ADGRF1: variants seen among roughly 807,000 people sequenced by gnomAD.
ADGRF1 encodes the protein adhesion G protein-coupled receptor F1, also known as G protein-coupled receptor 110.
Under a neutral mutation model 87.2 loss-of-function variants are expected in ADGRF1, and 85 were observed. That is an observed-to-expected ratio of 0.97 (90% confidence interval 0.82 to 1.17). The LOEUF is 1.17. Among genes scored for constraint, ADGRF1 ranks in the 50% most tolerant of loss-of-function variants. ADGRF1 has a pLI of 0.00. For missense variants in ADGRF1, 1,169 were observed against 1,077.2 expected, an observed-to-expected ratio of 1.09 and a Z score of -1.19; for synonymous variants, 430 against 408.8, an observed-to-expected ratio of 1.05 and a Z score of -0.63.
In ADGRF1 at chr6:47,012,105, T is replaced by G. The variant is rs1456847076; in HGVS notation, c.1018A>C (p.Thr340Pro). ...ACCGAAGCCAGATTCCCCACTGTGG[T>G]TGATGGGTTTTGCCGAATGATGACA... The part of the protein sequence containing the change: ...LSVIIRQNPS[T>P]TVGNLASVVS... The change falls in exon 10 of 15, where the codon ACC (threonine) becomes CCC (proline). Residue 340 changes from threonine to proline, a missense_variant. Physicochemically the swap from Thr to Pro is conservative, Grantham distance 38. Coordinates refer to ENST00000371253, the MANE Select transcript of ADGRF1 (RefSeq NM_153840.4). 1 of 1,614,052 alleles carries G rather than the reference T, an allele frequency of 6.2e-7. No individual in the cohort carries two copies. Among genetic ancestry groups the G allele is most frequent in the Non-Finnish European group, 8.5e-7 (1 of 1,179,960 alleles).
In ADGRF1 at chr6:47,009,304, G is replaced by A; in HGVS notation, c.2131C>T (p.Leu711Phe). 1.2e-6 allele frequency: 2 copies of A among 1,614,146 alleles called. No individual in the cohort carries two copies. Among genetic ancestry groups the A allele is most frequent in the South Asian group, 1.1e-5 (1 of 91,078 alleles). Residue 711 changes from leucine to phenylalanine, a missense_variant, in exon 11 of 15, where the codon CTC becomes TTC. Coordinates refer to ENST00000371253, the MANE Select transcript of ADGRF1 (RefSeq NM_153840.4). ...GCAATGGTAATGACAGATATAATGA[G>A]AGGGCACCCATAACCCAGGCAAAAT... ...VGFCLGYGCP[L>F]IISVITIAVT... is the part of the protein sequence containing the mutation.
Position 47,009,273 on chromosome 6 carries a change from G to T in ADGRF1, c.2162C>A (p.Thr721Lys). 1 of 1,614,138 alleles carries T rather than the reference G, an allele frequency of 6.2e-7. No individual in the cohort carries two copies. The highest frequency in any genetic ancestry group is 8.5e-7 in the Non-Finnish European group (1 of 1,180,004). Residue 721 changes from threonine to lysine, a missense_variant, in exon 11 of 15, where the codon ACG (threonine) becomes AAG (lysine). By Grantham distance (78) the Thr-to-Lys change is moderately conservative (BLOSUM62 -1). Transcript: ENST00000371253. The part of the protein sequence containing the change: ...LIISVITIAV[T>K]QPSNTYKRKD... The stretch of plus-strand genomic sequence containing the variant: ...CCTTTTGTAGGTATTGCTAGGTTGC[G>T]TGACAGCAATGGTAATGACAGATAT...
chr6:47,014,932 A>T lies in ADGRF1; in HGVS notation c.764-88T>A. 5 of 1,409,560 alleles carry T rather than the reference A, an allele frequency of 3.5e-6. No homozygotes were observed. The South Asian group carries it at 8.3e-5, about 23-fold the overall frequency. The allele number at this position is 1,409,560 out of a possible 1,614,324, so 87.3% of individuals were successfully genotyped here. On this transcript the variant is annotated intron_variant, in intron 8 of 14. Coordinates refer to ENST00000371253, the MANE Select transcript of ADGRF1 (RefSeq NM_153840.4). ...CCATGTAGTCATGTTCAAATGTTTT[A>T]GAACTCATTTTTGGAGATGAAATCC...
intron 14 of ADGRF1, 109 bp from the exon 15 acceptor site, chr6:47,000,404 A>G (rs1779329250): frequency 1.3e-6 from 1 of 766,472 alleles, no homozygotes; most frequent in Non-Finnish European, 2.1e-6. Context: ...AACAGTTTTT[A>G]AAAGATTCTA....
chr6:47,001,251 A>C (rs1779355798), intron 14 of ADGRF1, among the ~76,000 whole-genome samples: 1 of 152,242 alleles, frequency 6.6e-6, no homozygotes, highest in South Asian at 2.1e-4. Flanking sequence ...CTAATGTCAA[A>C]CTTGGGAAAT....
intron 1 of ADGRF1, among the ~76,000 whole-genome samples, chr6:47,033,090 C>T (rs893668021): frequency 2.6e-5 from 4 of 152,216 alleles, no homozygotes; most frequent in Non-Finnish European, 5.9e-5. Context: ...GTCCTTGCCA[C>T]AGATGAGGAG....
In ADGRF1 at chr6:47,029,083, C is replaced by A; in HGVS notation, c.-22G>T. 6.2e-7 allele frequency: 1 copy of A among 1,602,588 alleles called. No individual in the cohort carries two copies. On this transcript the variant is annotated 5_prime_UTR_variant, in exon 2 of 15. Coordinates refer to ENST00000371253, the MANE Select transcript of ADGRF1 (RefSeq NM_153840.4). ...TCATTTTCCCTGGACTGAACAGCAGCAGTCGGGTGCATAGTCTGTGACTAA... is the reference window on the plus strand; with the variant it reads ...TCATTTTCCCTGGACTGAACAGCAGAAGTCGGGTGCATAGTCTGTGACTAA...
intron 5 of ADGRF1, 70 bp downstream of exon 5, chr6:47,023,974 G>C (rs988565358): frequency 2.2e-5 from 30 of 1,365,954 alleles, no homozygotes; most frequent in Admixed American, 8.1e-5. Flanking sequence ...TAGACAATGA[G>C]CAAGCGTCCC....
chr6:47,014,618 A>G, intron 9 of ADGRF1, 63 bp downstream of exon 9: 1 of 1,577,406 alleles, frequency 6.3e-7, no homozygotes, highest in South Asian at 1.2e-5. Flanking sequence ...AGCCATGCTC[A>G]CTGGGATATT....
In ADGRF1 at chr6:47,025,907, G is replaced by A. The variant is rs773247114; in HGVS notation, c.224C>T (p.Pro75Leu). 1 of 1,611,712 alleles carries A rather than the reference G, an allele frequency of 6.2e-7. No individual in the cohort carries two copies. Among genetic ancestry groups the A allele is most frequent in the East Asian group, 2.2e-5 (1 of 44,844 alleles). ...LRNFLKLLKP[P>L]LLWSHGLIRI... Reference sequence around the variant, plus strand: ...AATTAGCCCATGTGACCATAATAATGGAGGCTTCAAGAGCTTCAGAAAATT... The same window carrying A: ...AATTAGCCCATGTGACCATAATAATAGAGGCTTCAAGAGCTTCAGAAAATT... The change falls in exon 4 of 15, where the codon CCA becomes CTA. Residue 75 changes from proline to leucine, a missense_variant. Coordinates refer to ENST00000371253, the MANE Select transcript of ADGRF1 (RefSeq NM_153840.4).
chr6:47,037,489 G>A (rs1019332118), intron 1 of ADGRF1, among the ~76,000 whole-genome samples: 1 of 151,986 alleles, frequency 6.6e-6, no homozygotes, highest in Non-Finnish European at 1.5e-5. Context: ...TTCCATTATG[G>A]ATTTTACTTA....
chr6:47,007,040 T>G (rs140980181), intron 12 of ADGRF1, among the ~76,000 whole-genome samples: 35 of 150,192 alleles, frequency 2.3e-4, no homozygotes, highest in African/African-American at 8.8e-4. Context: ...AACGTTTACA[T>G]TACATGTTTG....
At position 47,016,688 on chromosome 6, in the gene ADGRF1, G is replaced by A. The variant is rs1372411170; in HGVS notation, c.692C>T (p.Ala231Val). The A allele has an allele frequency of 6.2e-7, 1 of 1,612,350 alleles. No individual in the cohort carries two copies. Among genetic ancestry groups the A allele is most frequent in the Non-Finnish European group, 8.5e-7 (1 of 1,178,722 alleles). Residue 231 changes from alanine to valine, a missense_variant, in exon 8 of 15, where the codon GCC (alanine) becomes GTC (valine). Transcript: ENST00000371253. Reference sequence around the variant, plus strand: ...GTGAAGGGCTGTCTTAGCCTTCTCGGCAACATGTTCAATGGCTGACAGCAG... The same window carrying A: ...GTGAAGGGCTGTCTTAGCCTTCTCGACAACATGTTCAATGGCTGACAGCAG... ...SELLSAIEHV[A>V]EKAKTALHKL...
intron 13 of ADGRF1, among the ~76,000 whole-genome samples, chr6:47,005,477 T>G (rs1240485461): frequency 6.6e-6 from 1 of 152,172 alleles, no homozygotes; most frequent in Non-Finnish European, 1.5e-5. Context: ...GAAAGTCAGA[T>G]GAAGAAAAGG....
At chr6:47,037,778 G>A (rs768710771) in intron 1 of ADGRF1, among the ~76,000 whole-genome samples, 7 of 152,174 alleles carry the variant, frequency 4.6e-5, no homozygotes, top group Non-Finnish European at 8.8e-5. Context: ...CTCTCAAAGT[G>A]CTGAGATTTC....
chr6:47,014,252 G>C (rs570272636), intron 9 of ADGRF1: 2 of 986,650 alleles, frequency 2.0e-6, no homozygotes, highest in East Asian at 2.3e-4. Flanking sequence ...GTTCACCTTT[G>C]TCTGACCCAC....
chr6:47,027,396 C>A (rs1780267756), intron 3 of ADGRF1, among the ~76,000 whole-genome samples: 1 of 152,196 alleles, frequency 6.6e-6, no homozygotes, highest in Non-Finnish European at 1.5e-5. Context: ...AACTAAATTT[C>A]AGAACACAAC....
intron 2 of ADGRF1, 79 bp from the exon 3 acceptor site, chr6:47,027,840 G>A: frequency 1.1e-6 from 1 of 885,096 alleles, no homozygotes; most frequent in South Asian, 1.4e-5. Flanking sequence ...TTTCCCAGAT[G>A]AATTAAAATC....
chr6:47,008,067 A>C (rs1779582832), intron 11 of ADGRF1, among the ~76,000 whole-genome samples: 5 of 152,234 alleles, frequency 3.3e-5, no homozygotes, highest in Admixed American at 3.3e-4. Context: ...AAGTATTATT[A>C]TCTCTATTTA....
Sources: gnomAD v4.1 joint callset for allele counts (sites outside exome capture counted in the v4.1 genomes callset) on GRCh38, gnomAD v4.1.1 for gene constraint, MANE v1.5 for transcripts, NCBI Gene and HGNC (gene_info 2026-07-23, HGNC 2026-07-21) for gene names.